Variants in KCNH1 observed in about 807,000 individuals in gnomAD.
KCNH1 encodes voltage-gated delayed rectifier potassium channel KCNH1.
KCNH1 carries 27 observed loss-of-function variants against 69.2 expected under a neutral mutation model. The observed-to-expected ratio is 0.39, with a 90% CI of 0.29 to 0.54. KCNH1 has a LOEUF of 0.54. KCNH1 is among the 20% of genes least tolerant of loss of function. The pLI, the probability that KCNH1 is intolerant of heterozygous loss-of-function variation, is 0.68. For synonymous variants in KCNH1, 456 were observed against 487.7 expected (o/e 0.93, Z 0.86); for missense variants, 798 against 1,261.6 (o/e 0.63, Z 5.57).
intron 7 of KCNH1, among the ~76,000 whole-genome samples, chr1:210,831,042 A>G (rs1685151255): frequency 6.6e-6 from 1 of 152,198 alleles, no homozygotes; most frequent in Admixed American, 6.5e-5. Flanking sequence ...CTTTAAAAAT[A>G]CCTACTGATT....
chr1:211,035,283 C>A, intron 5 of KCNH1, among the ~76,000 whole-genome samples: 1 of 114,956 alleles, frequency 8.7e-6, no homozygotes, highest in Non-Finnish European at 1.6e-5. Flanking sequence ...GAGTCTCGCT[C>A]TGTCGCCCAG....
At chr1:210,749,634 G>A (rs1159420036) in intron 10 of KCNH1, among the ~76,000 whole-genome samples, 1 of 152,072 alleles carries the variant, frequency 6.6e-6, no homozygotes, top group Non-Finnish European at 1.5e-5. Context: ...TACAGGTTAA[G>A]AGACACCAGT....
chr1:210,819,330 T>C (rs1684880210), intron 7 of KCNH1, among the ~76,000 whole-genome samples: 1 of 152,114 alleles, frequency 6.6e-6, no homozygotes, highest in South Asian at 2.1e-4. Flanking sequence ...GAAAAATGTG[T>C]AGAGAAAAAG....
intron 6 of KCNH1, among the ~76,000 whole-genome samples, chr1:210,938,790 T>A (rs1449915347): frequency 6.6e-6 from 1 of 152,238 alleles, no homozygotes; most frequent in East Asian, 1.9e-4. Flanking sequence ...TAAAAAATTA[T>A]CACTGTATAA....
intron 6 of KCNH1, among the ~76,000 whole-genome samples, chr1:210,981,454 C>T (rs1447041059): frequency 6.7e-6 from 1 of 150,160 alleles, no homozygotes; most frequent in Admixed American, 6.7e-5. Context: ...AAAAGAAGGG[C>T]CAGTGTTTGG....
chr1:210,937,325 T>G (rs1015763042), intron 6 of KCNH1, among the ~76,000 whole-genome samples: 2 of 152,222 alleles, frequency 1.3e-5, no homozygotes, highest in Non-Finnish European at 2.9e-5. Flanking sequence ...CTCAACTGTC[T>G]TCCTGTGTTT....
At chr1:211,030,061 T>C (rs1689753967) in intron 5 of KCNH1, among the ~76,000 whole-genome samples, 1 of 152,134 alleles carries the variant, frequency 6.6e-6, no homozygotes, top group Non-Finnish European at 1.5e-5. Flanking sequence ...AGACAAAACA[T>C]ACTGAAGATA....
chr1:210,697,544 C>T (rs1041582719), intron 10 of KCNH1, among the ~76,000 whole-genome samples: 5 of 152,258 alleles, frequency 3.3e-5, no homozygotes, highest in African/African-American at 1.2e-4. Context: ...AGATCATGCA[C>T]TGAGGTCCTC....
chr1:210,825,235 G>T (rs751883071), intron 7 of KCNH1, among the ~76,000 whole-genome samples: 8 of 152,156 alleles, frequency 5.3e-5, no homozygotes, highest in Non-Finnish European at 7.4e-5. Flanking sequence ...CGTCAGCTTG[G>T]AATACAATTG....
intron 6 of KCNH1, among the ~76,000 whole-genome samples, chr1:210,924,364 C>A (rs1574341621): frequency 6.6e-6 from 1 of 152,136 alleles, no homozygotes; most frequent in Non-Finnish European, 1.5e-5. Flanking sequence ...TTATAAAATT[C>A]TTTCTTGTTA....
intron 6 of KCNH1, among the ~76,000 whole-genome samples, chr1:211,018,269 G>A (rs538669771): frequency 6.6e-6 from 1 of 152,218 alleles, no homozygotes; most frequent in South Asian, 2.1e-4. Flanking sequence ...TCAGTAAATG[G>A]TTGCCTCCAA....
chr1:210,755,314 G>A (rs962247053), intron 10 of KCNH1, among the ~76,000 whole-genome samples: 8 of 141,946 alleles, frequency 5.6e-5, no homozygotes, highest in African/African-American at 1.9e-4. Flanking sequence ...ATAATCAGGG[G>A]CTGCCTCCAG....
At chr1:211,030,258 A>G (rs1024606015) in intron 5 of KCNH1, among the ~76,000 whole-genome samples, 1 of 152,270 alleles carries the variant, frequency 6.6e-6, no homozygotes, top group African/African-American at 2.4e-5. Context: ...TACATTAAAC[A>G]TAACTGGGTT....
intron 6 of KCNH1, among the ~76,000 whole-genome samples, chr1:211,015,647 G>A (rs1484581258): frequency 1.3e-5 from 2 of 152,224 alleles, no homozygotes; most frequent in Admixed American, 6.5e-5. Context: ...AGCTCTTGGA[G>A]CTGGCAGGAA....
Position 211,107,278 on chromosome 1 carries a change from A to G in KCNH1, c.179T>C (p.Val60Ala), listed in dbSNP as rs757680271. 1.2e-6 allele frequency: 2 copies of G among 1,613,678 alleles called. No homozygotes were observed. The highest frequency in any genetic ancestry group is 4.5e-5 in the East Asian group (2 of 44,852). ...CCTGCAGGTGCTGCTTTTTTGCATC[A>G]CTTCTGCCCTGTGATAGCCAGACAG... is the stretch of plus-strand genomic sequence containing the variant. ...CKLSGYHRAEVMQKSSTCSFM... is the reference protein window; with the variant it reads ...CKLSGYHRAEAMQKSSTCSFM... The change falls in exon 2 of 11, where the codon GTG becomes GCG. Residue 60 changes from valine to alanine, a missense_variant. Physicochemically the swap from Val to Ala is moderately conservative, Grantham distance 64. Transcript: ENST00000271751.
chr1:211,091,900 A>C (rs570767780), intron 3 of KCNH1, among the ~76,000 whole-genome samples: 45 of 152,318 alleles, frequency 3.0e-4, no homozygotes, highest in South Asian at 1.2e-3. Flanking sequence ...AAGAAGCACC[A>C]ATTTATTCTA....
At chr1:210,996,730 C>A (rs1423014259) in intron 6 of KCNH1, among the ~76,000 whole-genome samples, 4 of 152,310 alleles carry the variant, frequency 2.6e-5, no homozygotes, top group South Asian at 2.1e-4. Flanking sequence ...TGGGAGGCAC[C>A]CCCCAGTAGG....
chr1:210,736,132 A>G (rs1001133408), intron 10 of KCNH1, among the ~76,000 whole-genome samples: 3 of 152,082 alleles, frequency 2.0e-5, no homozygotes, highest in Non-Finnish European at 2.9e-5. Context: ...TACAGCGTCA[A>G]ACTCCTGGGC....
chr1:210,689,952 T>C (rs1681492965), intron 10 of KCNH1, among the ~76,000 whole-genome samples: 1 of 152,232 alleles, frequency 6.6e-6, no homozygotes, highest in Non-Finnish European at 1.5e-5. Flanking sequence ...GTGAGGTCAC[T>C]GCTACTCTGC....
Sources: gnomAD v4.1 joint callset for allele counts (sites outside exome capture counted in the v4.1 genomes callset) on GRCh38, gnomAD v4.1.1 for gene constraint, MANE v1.5 for transcripts, NCBI Gene and HGNC (gene_info 2026-07-23, HGNC 2026-07-21) for gene names.